The following SERPINA12 variants were observed in gnomAD, a reference collection of about 807,000 sequenced individuals.
SERPINA12 encodes serpin A12.
SERPINA12 carries 21 observed loss-of-function variants against 25.9 expected under a neutral mutation model. That is an observed-to-expected ratio of 0.81 (90% CI 0.58 to 1.17). SERPINA12 has a LOEUF of 1.17. Ranked by LOEUF, SERPINA12 falls within the 50% of genes most tolerant of loss-of-function variation. SERPINA12 has a pLI of 0.00. For missense variants in SERPINA12, 562 were observed against 508.3 expected (o/e 1.11, Z -1.02); for synonymous variants, 220 against 196.0 (o/e 1.12, Z -1.02).
Position 94,496,518 on chromosome 14 carries a change from T to C in SERPINA12, c.760A>G (p.Lys254Glu). 3 of 1,614,094 alleles carry C rather than the reference T, an allele frequency of 1.9e-6. No individual in the cohort carries two copies. The highest frequency in any genetic ancestry group is 2.5e-6 in the Non-Finnish European group (3 of 1,179,998). ...SGIYQVGYDD[K>E]LSCTILEIPY... ...ATTTCCAGGATGGTGCAAGAGAGCT[T>C]ATCGTCATAGCCAACTTGGTATATG... is the stretch of plus-strand genomic sequence containing the variant. The change falls in exon 3 of 5, where the codon AAG becomes GAG. Residue 254 changes from lysine (K) to glutamate (E), a missense_variant. Lys to Glu is a moderately conservative substitution (Grantham distance 56). Transcript: ENST00000677451.
At chr14:94,513,932 GTGGCTCCC>G (rs1364485570), upstream of SERPINA12, among the ~76,000 whole-genome samples, 1 of 152,158 alleles carries the variant, frequency 6.6e-6, no homozygotes, top group African/African-American at 2.4e-5. Context: ...GGTTGCTCCA[GTGGCTCCC>G]TGGGGACCTC....
upstream of SERPINA12, among the ~76,000 whole-genome samples, chr14:94,512,822 A>G (rs545920049): frequency 5.9e-5 from 9 of 152,182 alleles, no homozygotes; most frequent in African/African-American, 2.2e-4. Flanking sequence ...TTTGTGTGCT[A>G]TTATATAGTT....
intron 3 of SERPINA12, 117 bp from the exon 4 acceptor site, chr14:94,489,884 T>G: frequency 2.0e-6 from 2 of 1,021,968 alleles, no homozygotes; most frequent in Non-Finnish European, 1.5e-6. Context: ...CTCCAATCTC[T>G]CTCCATCCAC....
chr14:94,505,544 C>T (rs1355087224), intron 1 of SERPINA12, among the ~76,000 whole-genome samples: 2 of 152,164 alleles, frequency 1.3e-5, no homozygotes, highest in East Asian at 3.9e-4. Flanking sequence ...AGGCTGAGAC[C>T]AAGGAGTACA....
At position 94,515,202 on chromosome 14, in the gene SERPINA12, G is replaced by A. The variant is rs912774526; in HGVS notation, c.-18+618C>T. Among the ~76,000 whole-genome samples the A allele has an allele frequency of 3.9e-5, 6 of 152,208 alleles. No homozygotes were observed. In the South Asian group the frequency reaches 1.0e-3, roughly 26 times the overall value. The stretch of plus-strand genomic sequence containing the variant: ...ACGTGTTTCTGTGGGAGAGGCTGAT[G>A]ATTGGGAGTGACAAGCCATAGACTG... On this transcript the variant is annotated intron_variant, in intron 2 of 5. Coordinates refer to the SERPINA12 transcript ENST00000341228.
chr14:94,489,246 G>T (rs778260836), intron 4 of SERPINA12, among the ~76,000 whole-genome samples: 1 of 151,502 alleles, frequency 6.6e-6, no homozygotes, highest in Non-Finnish European at 1.5e-5. Context: ...GAAAGAGAGA[G>T]AGAAAGAGAG....
At chr14:94,517,320 A>C (rs1444478671) in intron 1 of SERPINA12, 1 of 152,286 alleles carries the variant, frequency 6.6e-6, no homozygotes, top group Non-Finnish European at 1.5e-5. Context: ...TCCCAAAGCA[A>C]GCATGGCGGC....
At chr14:94,501,255 G>T in intron 1 of SERPINA12, 1 of 714,996 alleles carries the variant, frequency 1.4e-6, no homozygotes, top group Non-Finnish European at 1.7e-6. Context: ...GTGCCTAGGA[G>T]TGGAGAAGTT....
chr14:94,511,882 G>A, upstream of SERPINA12: 1 of 204,906 alleles, frequency 4.9e-6, no homozygotes, highest in Non-Finnish European at 8.6e-6. Context: ...TGGATTGCTT[G>A]AGGTCAGGAG....
At chr14:94,513,740 G>A (rs997332574), upstream of SERPINA12, among the ~76,000 whole-genome samples, 2 of 152,150 alleles carry the variant, frequency 1.3e-5, no homozygotes, top group Admixed American at 6.6e-5. Context: ...AAAATTACTG[G>A]GTGCTCAGCT....
chr14:94,501,007 T>C (rs1304861022), intron 1 of SERPINA12: 2 of 984,890 alleles, frequency 2.0e-6, no homozygotes, highest in East Asian at 2.3e-4. Context: ...AAGCACCTTC[T>C]ACCCCCAAAA....
Position 94,496,601 on chromosome 14 carries a change from T to C in SERPINA12, c.677A>G (p.Glu226Gly). 6.2e-7 allele frequency: 1 copy of C among 1,614,008 alleles called. No individual in the cohort carries two copies. The highest frequency in any genetic ancestry group is 8.5e-7 in the Non-Finnish European group (1 of 1,179,876). Residue 226 changes from glutamate to glycine, a missense_variant, in exon 3 of 5, where the codon GAA becomes GGA. Transcript: ENST00000677451. ...HEFDPNVTKE[E>G]DFFLEKNSSV... The stretch of plus-strand genomic sequence containing the variant: ...ACTGTTTTTCTCCAGAAAGAAATCT[T>C]CCTCTTTAGTTACATTTGGATCAAA...
chr14:94,514,036 A>G (rs146388021), upstream of SERPINA12, among the ~76,000 whole-genome samples: 521 of 152,134 alleles, frequency 3.4e-3, 3 homozygotes, highest in African/African-American at 0.012. Context: ...CAGCACATCT[A>G]TGTCTTAACC....
chr14:94,490,612 G>T (rs1416649599), intron 3 of SERPINA12, among the ~76,000 whole-genome samples: 1 of 151,846 alleles, frequency 6.6e-6, no homozygotes, highest in Non-Finnish European at 1.5e-5. Context: ...AACACCAAGA[G>T]ATCTCTCTTG....
At position 94,487,349 on chromosome 14, in the gene SERPINA12, G is replaced by A. The variant is rs1311631490; in HGVS notation, c.1199C>T (p.Pro400Leu). 3.7e-6 allele frequency: 6 copies of A among 1,614,106 alleles called. No homozygotes were observed. Among genetic ancestry groups the A allele is most frequent in the Middle Eastern group, 1.6e-4 (1 of 6,062 alleles). ...YLLLIYSEKI[P>L]SVLFLGKIVN... ...AATCTTTCCCAGGAAGAGCACGGAA[G>A]GTATTTTCTCGCTGTAAATCAGCAG... The change falls in exon 5 of 5, where the codon CCT becomes CTT. Residue 400 changes from proline to leucine, a missense_variant. Coordinates refer to ENST00000677451, the MANE Select transcript of SERPINA12 (RefSeq NM_001382267.1).
chr14:94,507,920 C>T (rs1384911785), intron 1 of SERPINA12, among the ~76,000 whole-genome samples: 3 of 152,118 alleles, frequency 2.0e-5, no homozygotes, highest in Non-Finnish European at 4.4e-5. Flanking sequence ...ATGTGATAGA[C>T]CTAAAGTGGA....
At chr14:94,503,140 A>C (rs1900799213) in intron 1 of SERPINA12, 7 of 935,748 alleles carry the variant, frequency 7.5e-6, no homozygotes, top group Non-Finnish European at 8.9e-6. Flanking sequence ...AGAAGAAATC[A>C]CTCTATATAC....
At chr14:94,505,359 G>T (rs2139861142) in intron 1 of SERPINA12, among the ~76,000 whole-genome samples, 1 of 152,286 alleles carries the variant, frequency 6.6e-6, no homozygotes, top group South Asian at 2.1e-4. Context: ...TTCCAGAGCT[G>T]CCCAGATCAG....
intron 1 of SERPINA12, among the ~76,000 whole-genome samples, chr14:94,508,135 A>G (rs746082410): frequency 2.6e-5 from 4 of 152,252 alleles, no homozygotes; most frequent in African/African-American, 4.8e-5. Context: ...TCCCACTAGA[A>G]CAAATTATAC....
Sources: gnomAD v4.1 joint callset for allele counts (sites outside exome capture counted in the v4.1 genomes callset) on GRCh38, gnomAD v4.1.1 for gene constraint, MANE v1.5 for transcripts, NCBI Gene and HGNC (gene_info 2026-07-23, HGNC 2026-07-21) for gene names.